RGPD8: variants seen among roughly 807,000 people sequenced by gnomAD.
RGPD8 encodes RANBP2 like and GRIP domain containing 8.
RGPD8 carries 15 observed loss-of-function variants against 89.1 expected under a neutral mutation model. The observed-to-expected ratio is 0.17, with a 90% CI of 0.11 to 0.26. The LOEUF (loss-of-function observed/expected upper bound fraction) is 0.26, where lower values mean the gene tolerates loss of function less well. RGPD8 is among the 10% of genes least tolerant of loss of function. The pLI is 1.00. For missense variants in RGPD8, 178 were observed against 1,179.6 expected (o/e 0.15, Z 12.44); for synonymous variants, 62 against 420.9 (o/e 0.15, Z 10.44).
At chr2:112,413,703 T>C (rs1000203792) in intron 6 of RGPD8, among the ~76,000 whole-genome samples, 1 of 125,570 alleles carries the variant, frequency 8.0e-6, no homozygotes, top group Non-Finnish European at 1.7e-5. Flanking sequence ...GAGCTGACTT[T>C]TTTTGTTTTT....
Position 112,433,179 on chromosome 2 carries a change from C to T in RGPD8, c.72+203G>A, listed in dbSNP as rs540526112. Among the ~76,000 whole-genome samples, 26 of 132,222 alleles carry T rather than the reference C, an allele frequency of 2.0e-4. 1 individual carries two copies. The South Asian group carries it at 5.7e-3, about 29-fold the overall frequency. 86.7% of individuals were successfully genotyped at this position (132,222 alleles called of 152,430 possible). A position where few individuals can be genotyped will look rare whatever the true frequency, so the allele number is the denominator to read the frequency against. The stretch of plus-strand genomic sequence containing the variant: ...CGCCTCAACAGAGCGCGCCAGGGAG[C>T]AGCGCCCGTCGGGAGCCATGACCCC... On this transcript the variant is annotated intron_variant, in intron 1 of 22. Coordinates refer to ENST00000302558, the MANE Select transcript of RGPD8 (RefSeq NM_001164463.1).
At chr2:112,429,800 ATAT>A (rs775860653) in intron 1 of RGPD8, among the ~76,000 whole-genome samples, 13 of 152,178 alleles carry the variant, frequency 8.5e-5, no homozygotes, top group Non-Finnish European at 1.8e-4. Context: ...AGAAAGAATT[ATAT>A]TTTTTTCCTT....
intron 1 of RGPD8, among the ~76,000 whole-genome samples, chr2:112,433,137 G>A (rs1680128672): frequency 1.6e-5 from 2 of 123,918 alleles, no homozygotes; most frequent in African/African-American, 5.9e-5. Context: ...GCCGCCGCCG[G>A]GCCGGGTCGA....
chr2:112,433,357 G>A (rs1444280587), intron 1 of RGPD8, 25 bp downstream of exon 1: 5 of 1,599,786 alleles, frequency 3.1e-6, no homozygotes, highest in Non-Finnish European at 1.7e-6. Context: ...GGTCGAGGCC[G>A]CCGCTCTCTT....
In RGPD8 at chr2:112,422,515, A is replaced by G. The variant is rs1020667791; in HGVS notation, c.252+33T>C. 1.5e-4 allele frequency: 244 copies of G among 1,607,994 alleles called. 2 individuals are homozygous for G. Among genetic ancestry groups the G allele is most frequent in the Admixed American group, 3.2e-4 (19 of 59,554 alleles). On this transcript the variant is annotated intron_variant, in intron 3 of 22. Transcript: ENST00000302558. Reference sequence around the variant, plus strand: ...TTCTCTGGGCATCATGTGTTTGGCTATGCAAAGGCTATATTTGAATCCTAT... The same window carrying G: ...TTCTCTGGGCATCATGTGTTTGGCTGTGCAAAGGCTATATTTGAATCCTAT...
At position 112,408,759 on chromosome 2, in the gene RGPD8, C is replaced by G. The variant is rs1443137872; in HGVS notation, c.979-2375G>C. Among the ~76,000 whole-genome samples, 3 of 151,046 alleles carry G rather than the reference C, an allele frequency of 2.0e-5. No individual in the cohort carries two copies. The South Asian group carries it at 6.2e-4, about 31-fold the overall frequency. ...CGATCTCGGCTCACTGCAACCTCCGCCTCCTGGTTTCAAGCAATTCTCCTG... is the reference window on the plus strand; with the variant it reads ...CGATCTCGGCTCACTGCAACCTCCGGCTCCTGGTTTCAAGCAATTCTCCTG... On this transcript the variant is annotated intron_variant, in intron 7 of 22. Transcript: ENST00000302558.
intron 1 of RGPD8, among the ~76,000 whole-genome samples, chr2:112,432,873 C>T (rs1484881629): frequency 6.6e-6 from 1 of 152,234 alleles, no homozygotes; most frequent in African/African-American, 2.4e-5. Context: ...CACAGGACTG[C>T]GCTAGCCGGC....
chr2:112,433,094 G>GC (rs1459602883), intron 1 of RGPD8, among the ~76,000 whole-genome samples: 1 of 96,956 alleles, frequency 1.0e-5, no homozygotes, highest in Non-Finnish European at 2.5e-5. Context: ...AGGGAGCAGC[G>GC]CCCTCGGGAG....
chr2:112,387,210 G>T (rs1230035918), intron 20 of RGPD8: 15 of 42,084 alleles, frequency 3.6e-4, no homozygotes, highest in Non-Finnish European at 5.1e-4. Context: ...TAAAAAGCCA[G>T]AATCCCTCAA....
At chr2:112,427,183 A>G (rs1192034616) in intron 1 of RGPD8, among the ~76,000 whole-genome samples, 1 of 152,006 alleles carries the variant, frequency 6.6e-6, no homozygotes, top group Non-Finnish European at 1.5e-5. Context: ...CTTTGCTTCC[A>G]ACTATGTTAA....
chr2:112,429,195 C>T (rs1178218494), intron 1 of RGPD8, among the ~76,000 whole-genome samples: 3 of 151,398 alleles, frequency 2.0e-5, no homozygotes, highest in Non-Finnish European at 4.4e-5. Flanking sequence ...CTGAGGCGGG[C>T]GGATCATGAG....
intron 7 of RGPD8, among the ~76,000 whole-genome samples, chr2:112,410,733 G>C (rs1412685483): frequency 6.6e-6 from 1 of 151,046 alleles, no homozygotes; most frequent in African/African-American, 2.5e-5. Context: ...AGCTGAGATT[G>C]CACCACTGCA....
At chr2:112,379,105 G>A (rs1678184239) in intron 21 of RGPD8, among the ~76,000 whole-genome samples, 1 of 143,030 alleles carries the variant, frequency 7.0e-6, no homozygotes, top group African/African-American at 2.6e-5. Flanking sequence ...ATGAGGCAAA[G>A]AACAATATAA....
intron 21 of RGPD8, among the ~76,000 whole-genome samples, chr2:112,380,175 G>A (rs1312606191): frequency 7.6e-4 from 102 of 134,782 alleles, no homozygotes; most frequent in South Asian, 3.4e-3. Flanking sequence ...TAGTAGTTCA[G>A]TACTATAAAT....
chr2:112,417,099 A>G (rs1463399015), intron 6 of RGPD8, 94 bp downstream of exon 6: 1 of 1,606,066 alleles, frequency 6.2e-7, no homozygotes, highest in Admixed American at 1.7e-5. Context: ...CATTATAGAA[A>G]TAATGATTCA....
intron 7 of RGPD8, among the ~76,000 whole-genome samples, chr2:112,411,167 A>T (rs1304395586): frequency 2.0e-5 from 3 of 152,290 alleles, no homozygotes; most frequent in African/African-American, 4.8e-5. Flanking sequence ...CAAGCAAAAA[A>T]TCCTTCTCTA....
intron 9 of RGPD8, 83 bp downstream of exon 9, chr2:112,403,881 TAA>T (rs1678939293): frequency 6.6e-7 from 1 of 1,507,568 alleles, no homozygotes; most frequent in Non-Finnish European, 9.1e-7. Context: ...AGGAAAATAT[TAA>T]GTCGTTATTT....
chr2:112,429,771 C>T (rs1481184951), intron 1 of RGPD8, among the ~76,000 whole-genome samples: 1 of 152,104 alleles, frequency 6.6e-6, no homozygotes, highest in Non-Finnish European at 1.5e-5. Flanking sequence ...CAGAAGCCAT[C>T]GGGAAAAAGA....
chr2:112,415,945 C>G (rs1378840541), intron 6 of RGPD8, among the ~76,000 whole-genome samples: 1 of 152,080 alleles, frequency 6.6e-6, no homozygotes, highest in Admixed American at 6.5e-5. Context: ...CAAAAATTAG[C>G]TGGGCGTAGT....
Sources: allele counts gnomAD v4.1 joint callset (sites outside exome capture counted in the v4.1 genomes callset), GRCh38; gene constraint gnomAD v4.1.1; transcripts MANE v1.5; gene names NCBI Gene and HGNC (gene_info 2026-07-23, HGNC 2026-07-21).